Variants in RUNX2 observed in about 807,000 individuals in gnomAD.
The protein encoded by RUNX2 is RUNX family transcription factor 2, also known as runt-related transcription factor 2.
In RUNX2, 10 loss-of-function variants were observed where a neutral mutation model predicts 51.7. The observed-to-expected ratio is 0.19, with a 90% confidence interval of 0.12 to 0.33. The LOEUF (loss-of-function observed/expected upper bound fraction) is 0.33. RUNX2 is among the 10% of genes least tolerant of loss of function. The pLI is 1.00. For synonymous variants in RUNX2, 276 were observed against 273.6 expected (o/e 1.01, Z -0.09); for missense variants, 562 against 691.3 (o/e 0.81, Z 2.10).
chr6:45,365,372 C>G (rs1346314336), intron 2 of RUNX2: 2 of 1,038,554 alleles, frequency 1.9e-6, no homozygotes, highest in Non-Finnish European at 2.8e-6. Flanking sequence ...AAAAAGAAAG[C>G]AAATATAAAT....
At chr6:45,328,835 A>G (rs1441855949) in intron 2 of RUNX2, 51 bp downstream of exon 2, 1 of 1,567,012 alleles carries the variant, frequency 6.4e-7, no homozygotes, top group African/African-American at 1.4e-5. Flanking sequence ...TGTTAAACAT[A>G]AAGGTATGAT....
intron 2 of RUNX2, among the ~76,000 whole-genome samples, chr6:45,338,779 T>C (rs1385476328): frequency 6.6e-6 from 1 of 152,126 alleles, no homozygotes; most frequent in African/African-American, 2.4e-5. Flanking sequence ...AAATAATTTA[T>C]ATGCAGCCTA....
intron 7 of RUNX2, among the ~76,000 whole-genome samples, chr6:45,529,789 C>T (rs6929395): frequency 0.02 from 3,055 of 152,206 alleles, 111 homozygotes; most frequent in African/African-American, 0.07. Context: ...TGAAAAGAGG[C>T]GTGCTTTCTC....
intron 2 of RUNX2, among the ~76,000 whole-genome samples, chr6:45,330,478 T>C (rs977339883): frequency 1.3e-5 from 2 of 152,048 alleles, no homozygotes; most frequent in Admixed American, 6.6e-5. Flanking sequence ...GTTATCACTC[T>C]GTTTAACTAT....
rs557899950 is a variant in RUNX2 at position 45,441,449 on chromosome 6, A to T, written c.685+3398A>T. The stretch of plus-strand genomic sequence containing the variant: ...TTTTCTCATCTTTTATGTGAGAATG[A>T]TAATACCTTCCTCATCAGTTGCTGC... On this transcript the variant is annotated intron_variant, in intron 5 of 8. Transcript: ENST00000647337. 2.0e-5 allele frequency among the ~76,000 whole-genome samples: 3 copies of T among 152,312 alleles called. No homozygotes were observed. In the South Asian group the frequency reaches 6.2e-4, roughly 32 times the overall value.
intron 2 of RUNX2, among the ~76,000 whole-genome samples, chr6:45,348,444 C>T (rs1249534739): frequency 6.7e-6 from 1 of 149,374 alleles, no homozygotes; most frequent in Non-Finnish European, 1.5e-5. Flanking sequence ...AGGTAGAAGG[C>T]TCACTTGAGG....
intron 5 of RUNX2, among the ~76,000 whole-genome samples, chr6:45,447,454 C>T (rs572691985): frequency 6.6e-6 from 1 of 152,244 alleles, no homozygotes; most frequent in East Asian, 1.9e-4. Context: ...GCTAGCTTTC[C>T]TACTCTATTG....
chr6:45,385,241 T>A (rs1300921579), intron 2 of RUNX2, among the ~76,000 whole-genome samples: 2 of 152,164 alleles, frequency 1.3e-5, no homozygotes. Flanking sequence ...TCAGCTGAGA[T>A]CTCCCTGGGT....
At chr6:45,368,805 ATAAAT>A (rs1259094454) in intron 2 of RUNX2, among the ~76,000 whole-genome samples, 1 of 152,170 alleles carries the variant, frequency 6.6e-6, no homozygotes, top group Non-Finnish European at 1.5e-5. Context: ...CTCACATAAT[ATAAAT>A]TAATAGAAAA....
chr6:45,409,829 G>A (rs554721315), intron 2 of RUNX2, among the ~76,000 whole-genome samples: 1 of 152,238 alleles, frequency 6.6e-6, no homozygotes, highest in African/African-American at 2.4e-5. Flanking sequence ...TAAATGCTGA[G>A]GATAAAAGAT....
chr6:45,439,082 C>T (rs2150372650), intron 5 of RUNX2, among the ~76,000 whole-genome samples: 1 of 152,316 alleles, frequency 6.6e-6, no homozygotes, highest in East Asian at 1.9e-4. Context: ...AGTTTTGCCT[C>T]TACCCAAGCA....
At chr6:45,404,259 C>CAAAAAAAAAAAAA (rs34529128) in intron 2 of RUNX2, among the ~76,000 whole-genome samples, 6 of 27,652 alleles carry the variant, frequency 2.2e-4, no homozygotes, top group South Asian at 1.9e-3. Context: ...GACTCTGTCT[C>CAAAAAAAAAAAAA]AAAAAAAAAA....
At chr6:45,531,750 T>TA (rs143683342) in intron 7 of RUNX2, among the ~76,000 whole-genome samples, 14,267 of 146,706 alleles carry the variant, frequency 0.097, 904 homozygotes, top group Non-Finnish European at 0.15. Flanking sequence ...AGATTCTGTC[T>TA]AAAAAAAAAA....
chr6:45,394,388 A>G lies in RUNX2; in HGVS notation c.59-28205A>G, dbSNP rs185378244. ...GAAATTTGGAGGGGACAAGCATCCAAGCCATATCAAATGTCCTCTAGAGTC... is the reference window on the plus strand; with the variant it reads ...GAAATTTGGAGGGGACAAGCATCCAGGCCATATCAAATGTCCTCTAGAGTC... On this transcript the variant is annotated intron_variant, in intron 2 of 8. Transcript: ENST00000647337. 3.3e-4 allele frequency among the ~76,000 whole-genome samples: 50 copies of G among 152,222 alleles called. No homozygotes were observed. The East Asian group carries it at 8.9e-3, about 27-fold the overall frequency.
intron 5 of RUNX2, among the ~76,000 whole-genome samples, chr6:45,479,364 A>T (rs1800045672): frequency 6.6e-6 from 1 of 152,184 alleles, no homozygotes; most frequent in South Asian, 2.1e-4. Flanking sequence ...TTGCAAAGAA[A>T]GGTACGTTTC....
At chr6:45,430,398 G>C (rs1687199345) in intron 3 of RUNX2, among the ~76,000 whole-genome samples, 1 of 152,132 alleles carries the variant, frequency 6.6e-6, no homozygotes, top group Admixed American at 6.5e-5. Flanking sequence ...GAATAACACA[G>C]TACTAAATGG....
At position 45,335,757 on chromosome 6, in the gene RUNX2, C is replaced by A. The variant is rs544979689; in HGVS notation, c.58+6973C>A. On this transcript the variant is annotated intron_variant, in intron 2 of 8. Transcript: ENST00000647337. ...CCATGAAGTAATCTATGAGAAAACTCCCATCAAGACAACAGCATCTTAACA... is the reference window on the plus strand; with the variant it reads ...CCATGAAGTAATCTATGAGAAAACTACCATCAAGACAACAGCATCTTAACA... Among the ~76,000 whole-genome samples, 7 of 151,242 alleles carry A rather than the reference C, an allele frequency of 4.6e-5. 1 individual carries two copies. The South Asian group carries it at 1.5e-3, about 31-fold the overall frequency.
chr6:45,423,484 C>A (rs1367372856), intron 3 of RUNX2, among the ~76,000 whole-genome samples: 1 of 152,172 alleles, frequency 6.6e-6, no homozygotes, highest in Non-Finnish European at 1.5e-5. Flanking sequence ...CACAGCCAAA[C>A]GCCTCTCCTC....
intron 2 of RUNX2, among the ~76,000 whole-genome samples, chr6:45,391,460 C>A (rs917144681): frequency 5.9e-5 from 9 of 152,186 alleles, no homozygotes; most frequent in African/African-American, 2.2e-4. Context: ...AACCATGAAC[C>A]AATTAAACCT....
Sources: gnomAD v4.1 joint callset for allele counts (sites outside exome capture counted in the v4.1 genomes callset) on GRCh38, gnomAD v4.1.1 for gene constraint, MANE v1.5 for transcripts, NCBI Gene and HGNC (gene_info 2026-07-23, HGNC 2026-07-21) for gene names.